The following PLVAP variants were observed in gnomAD, a reference collection of about 807,000 sequenced individuals.
PLVAP encodes plasmalemma vesicle-associated protein.
PLVAP carries 34 observed loss-of-function variants against 43.1 expected under a neutral mutation model. That is an observed-to-expected ratio of 0.79 (90% CI 0.60 to 1.05). The LOEUF (loss-of-function observed/expected upper bound fraction) is 1.05, where lower values mean the gene tolerates loss of function less well. PLVAP is among the 50% of genes least tolerant of loss of function. The pLI is 0.00. For synonymous variants in PLVAP, 241 were observed against 237.3 expected, an observed-to-expected ratio of 1.02 and a Z score of -0.14; for missense variants, 574 against 593.4, an observed-to-expected ratio of 0.97 and a Z score of 0.34.
chr19:17,369,846 CA>C (rs1319182028), intron 1 of PLVAP, among the ~76,000 whole-genome samples: 6 of 149,984 alleles, frequency 4.0e-5, no homozygotes, highest in African/African-American at 1.5e-4. Flanking sequence ...ACTAAAAATA[CA>C]AAAAAATTAG....
chr19:17,365,023 T>G (rs1483463902), intron 3 of PLVAP, among the ~76,000 whole-genome samples: 1 of 152,142 alleles, frequency 6.6e-6, no homozygotes, highest in Non-Finnish European at 1.5e-5. Context: ...TCCACCCACC[T>G]TGGCCTCCCA....
At chr19:17,375,534 G>A (rs2074591396) in intron 1 of PLVAP, among the ~76,000 whole-genome samples, 2 of 152,046 alleles carry the variant, frequency 1.3e-5, no homozygotes, top group Admixed American at 6.6e-5. Flanking sequence ...GAGCCTAGGA[G>A]TTCAAGACCA....
At chr19:17,363,526 G>A (rs2074536142) in intron 3 of PLVAP, among the ~76,000 whole-genome samples, 1 of 151,188 alleles carries the variant, frequency 6.6e-6, no homozygotes, top group Admixed American at 6.6e-5. Flanking sequence ...TACCCAAAAT[G>A]TAGGTTTTTA....
At chr19:17,358,332 G>T (rs867763850) in intron 5 of PLVAP, among the ~76,000 whole-genome samples, 10 of 151,772 alleles carry the variant, frequency 6.6e-5, no homozygotes, top group African/African-American at 2.2e-4. Context: ...GGGAGTTGGC[G>T]GCAAAGCTTT....
intron 1 of PLVAP, among the ~76,000 whole-genome samples, chr19:17,373,093 A>AG (rs2074580592): frequency 8.2e-6 from 1 of 121,676 alleles, no homozygotes; most frequent in Non-Finnish European, 1.7e-5. Flanking sequence ...AAAAAAAAAA[A>AG]GAAAGAAAAG....
chr19:17,364,450 C>G (rs1008697440), intron 3 of PLVAP, among the ~76,000 whole-genome samples: 1 of 152,118 alleles, frequency 6.6e-6, no homozygotes, highest in African/African-American at 2.4e-5. Flanking sequence ...ATCCTTCCAC[C>G]TTGGCCTCCC....
At position 17,352,377 on chromosome 19, in the gene PLVAP, G is replaced by C. The variant is rs561173415; in HGVS notation, c.1323-9C>G. On this transcript the variant is annotated splice_polypyrimidine_tract_variant and intron_variant, in intron 5 of 5. Transcript: ENST00000252590. Reference sequence around the variant, plus strand: ...TGGAGCCTCCTCAGCCACTAGGGCAGGAAGGGGATGGTAACACAACAGAGT... The same window carrying C: ...TGGAGCCTCCTCAGCCACTAGGGCACGAAGGGGATGGTAACACAACAGAGT... 6.2e-7 allele frequency: 1 copy of C among 1,613,170 alleles called. No individual in the cohort carries two copies. The highest frequency in any genetic ancestry group is 8.5e-7 in the Non-Finnish European group (1 of 1,179,358).
At chr19:17,363,680 C>T (rs1213325496) in intron 3 of PLVAP, among the ~76,000 whole-genome samples, 1 of 151,726 alleles carries the variant, frequency 6.6e-6, no homozygotes, top group Non-Finnish European at 1.5e-5. Context: ...TCAAGCAATC[C>T]TCCCACTTCT....
chr19:17,363,111 A>T (rs535788300), intron 3 of PLVAP, among the ~76,000 whole-genome samples: 34 of 152,220 alleles, frequency 2.2e-4, no homozygotes, highest in African/African-American at 7.5e-4. Context: ...TTTTAGATTC[A>T]GTGGGGATGT....
intron 1 of PLVAP, among the ~76,000 whole-genome samples, chr19:17,375,890 A>C: frequency 6.7e-6 from 1 of 150,194 alleles, no homozygotes; most frequent in Admixed American, 6.6e-5. Context: ...CAAAAAAAAA[A>C]AAAAAAATTG....
At chr19:17,376,897 G>A (rs368416710) in intron 1 of PLVAP, 23 bp downstream of exon 1, 120 of 1,597,166 alleles carry the variant, frequency 7.5e-5, no homozygotes, top group Non-Finnish European at 9.7e-5. Flanking sequence ...TCCCCAGGGC[G>A]AGTGTCCTGC....
chr19:17,371,012 C>T (rs575843790), intron 1 of PLVAP, among the ~76,000 whole-genome samples: 7 of 151,252 alleles, frequency 4.6e-5, no homozygotes, highest in South Asian at 2.1e-4. Context: ...GCTGAGATCG[C>T]GCCACTGCAC....
At chr19:17,355,086 TGGTGGCGGGCA>T (rs1179914176) in intron 5 of PLVAP, among the ~76,000 whole-genome samples, 5 of 149,578 alleles carry the variant, frequency 3.3e-5, no homozygotes, top group African/African-American at 1.2e-4. Flanking sequence ...TCACCCAGGC[TGGTGGCGGGCA>T]CCTGTAATCC....
intron 5 of PLVAP, among the ~76,000 whole-genome samples, chr19:17,358,288 G>A (rs1335301331): frequency 7.1e-6 from 1 of 141,540 alleles, no homozygotes; most frequent in Non-Finnish European, 1.5e-5. Context: ...AAAAGAAGAA[G>A]AGGTGGAAAT....
rs759747264 is a variant in PLVAP, at chr19:17,366,191, A to T, written c.374T>A (p.Ile125Asn). 3 of 1,614,126 alleles carry T rather than the reference A, an allele frequency of 1.9e-6. No individual in the cohort carries two copies. In the Admixed American group the frequency reaches 5.0e-5, roughly 27 times the overall value. The change falls in exon 2 of 6, where the codon ATC becomes AAC. Residue 125 changes from isoleucine (I) to asparagine (N), a missense_variant. Ile to Asn is a moderately radical substitution (Grantham distance 149). Transcript: ENST00000252590. Reference sequence around the variant, plus strand: ...CATGTACCTCTGATTGTTCGTGTAGATGACCTGCCCGGAAGATAGGGGAAG... The same window carrying T: ...CATGTACCTCTGATTGTTCGTGTAGTTGACCTGCCCGGAAGATAGGGGAAG... ...SFRQCQGDRV[I>N]YTNNQRYMAA...
chr19:17,360,641 C>T, intron 4 of PLVAP, 32 bp from the exon 5 acceptor site: 2 of 1,596,822 alleles, frequency 1.3e-6, no homozygotes, highest in Admixed American at 1.7e-5. Context: ...GCTTGACCTA[C>T]AGCTTCAGTT....
intron 5 of PLVAP, among the ~76,000 whole-genome samples, chr19:17,359,735 C>T (rs917594723): frequency 4.3e-5 from 6 of 139,712 alleles, no homozygotes; most frequent in Non-Finnish European, 7.6e-5. Context: ...CTCTGTCGTC[C>T]AGGCTGGAGT....
chr19:17,352,044 T>C lies in PLVAP; in HGVS notation c.*318A>G. 1 of 422,996 alleles carries C rather than the reference T, an allele frequency of 2.4e-6. No individual in the cohort carries two copies. The highest frequency in any genetic ancestry group is 4.3e-5 in the South Asian group (1 of 23,112). The allele number at this position is 422,996 out of a possible 1,614,324, so 26.2% of individuals were successfully genotyped here. A position where few individuals can be genotyped will look rare whatever the true frequency, so the allele number is the denominator to read the frequency against. On this transcript the variant is annotated 3_prime_UTR_variant, in exon 6 of 6. Transcript: ENST00000252590. The stretch of plus-strand genomic sequence containing the variant: ...CCATGTCTGTGTGCGACGTGCTGCA[T>C]CTGCACGACGCCATCGCTATATCTC...
intron 1 of PLVAP, among the ~76,000 whole-genome samples, chr19:17,370,018 A>G (rs1199862024): frequency 1.3e-5 from 2 of 151,526 alleles, no homozygotes; most frequent in South Asian, 2.1e-4. Context: ...AAAAAAAAAA[A>G]AAAAAAAAGA....
Sources: allele counts gnomAD v4.1 joint callset (sites outside exome capture counted in the v4.1 genomes callset), GRCh38; gene constraint gnomAD v4.1.1; transcripts MANE v1.5; gene names NCBI Gene and HGNC (gene_info 2026-07-23, HGNC 2026-07-21).